Variants in ROBO2 observed in about 807,000 individuals in gnomAD.
ROBO2 encodes roundabout homolog 2.
ROBO2 carries 53 observed loss-of-function variants against 160.8 expected under a neutral mutation model. The ratio of observed to expected loss-of-function variants is 0.33; its 90% confidence interval spans 0.26 to 0.41. The LOEUF (loss-of-function observed/expected upper bound fraction) is 0.41, where lower values mean the gene tolerates loss of function less well. ROBO2 is among the 10% of genes least tolerant of loss of function. The pLI, the probability that ROBO2 is intolerant of heterozygous loss-of-function variation, is 1.00. For synonymous variants in ROBO2, 664 were observed against 611.7 expected, an observed-to-expected ratio of 1.09 and a Z score of -1.26; for missense variants, 1,577 against 1,722.4, an observed-to-expected ratio of 0.92 and a Z score of 1.49.
At chr3:75,918,305 G>A (rs1946893404) in intron 1 of ROBO2, among the ~76,000 whole-genome samples, 1 of 152,116 alleles carries the variant, frequency 6.6e-6, no homozygotes, top group South Asian at 2.1e-4. Flanking sequence ...TTTCCCCATT[G>A]CTTGCTTTTG....
At chr3:77,004,002 C>T (rs981543663) in intron 2 of ROBO2, among the ~76,000 whole-genome samples, 1 of 152,066 alleles carries the variant, frequency 6.6e-6, no homozygotes, top group African/African-American at 2.4e-5. Context: ...AAACTTAAAA[C>T]ATGTTTTTAT....
At chr3:76,548,431 C>T (rs911220629) in intron 2 of ROBO2, among the ~76,000 whole-genome samples, 1 of 151,928 alleles carries the variant, frequency 6.6e-6, no homozygotes, top group East Asian at 1.9e-4. Context: ...CCAATGGCAC[C>T]CTGTCTTTGA....
At chr3:76,517,240 G>T (rs555133050) in intron 2 of ROBO2, among the ~76,000 whole-genome samples, 1 of 152,240 alleles carries the variant, frequency 6.6e-6, no homozygotes, top group South Asian at 2.1e-4. Context: ...GAGTGCATCT[G>T]CCCATTGAAT....
chr3:76,938,895 C>T (rs2077945925), intron 2 of ROBO2, among the ~76,000 whole-genome samples: 1 of 147,582 alleles, frequency 6.8e-6, no homozygotes, highest in East Asian at 2.0e-4. Context: ...CGCTTAAACC[C>T]AAGAGGTGGA....
intron 2 of ROBO2, among the ~76,000 whole-genome samples, chr3:77,452,265 A>G (rs1263354249): frequency 6.6e-6 from 1 of 152,214 alleles, no homozygotes. Flanking sequence ...CAGAAGAGTG[A>G]GATGTTCACA....
At chr3:77,121,858 T>A (rs182601288) in intron 2 of ROBO2, among the ~76,000 whole-genome samples, 3 of 152,280 alleles carry the variant, frequency 2.0e-5, no homozygotes, top group African/African-American at 7.2e-5. Flanking sequence ...TTAATTATGT[T>A]CTGGAAATTT....
intron 2 of ROBO2, among the ~76,000 whole-genome samples, chr3:76,990,211 T>C (rs895698789): frequency 6.6e-6 from 1 of 152,200 alleles, no homozygotes; most frequent in Non-Finnish European, 1.5e-5. Flanking sequence ...TCTTTCAAAA[T>C]GACTGTTCTG....
chr3:76,934,211 A>AAAAC (rs2077536276), intron 2 of ROBO2, among the ~76,000 whole-genome samples: 1 of 40,764 alleles, frequency 2.5e-5, no homozygotes, highest in Non-Finnish European at 4.3e-5. Context: ...TCGAAAATAG[A>AAAAC]AAAAAAAAAA....
At chr3:76,133,617 C>T (rs1241202863) in intron 2 of ROBO2, among the ~76,000 whole-genome samples, 2 of 151,956 alleles carry the variant, frequency 1.3e-5, no homozygotes, top group South Asian at 2.1e-4. Flanking sequence ...AGTGTGTGGC[C>T]GAAGACCCGA....
chr3:76,128,411 A>T (rs925550840), intron 2 of ROBO2, among the ~76,000 whole-genome samples: 1 of 152,170 alleles, frequency 6.6e-6, no homozygotes, highest in African/African-American at 2.4e-5. Flanking sequence ...GGAGGAGCAC[A>T]TAATTCTTCC....
At chr3:77,038,760 C>T (rs2063788937), upstream of ROBO2, among the ~76,000 whole-genome samples, 1 of 152,214 alleles carries the variant, frequency 6.6e-6, no homozygotes, top group South Asian at 2.1e-4. Context: ...CGTGACCTTC[C>T]TTCATCATCC....
chr3:75,990,716 C>T (rs943720940), intron 2 of ROBO2, among the ~76,000 whole-genome samples: 76 of 152,130 alleles, frequency 5.0e-4, no homozygotes, highest in African/African-American at 1.8e-3. Context: ...ATAAAATATA[C>T]ATTCATGTTT....
intron 2 of ROBO2, among the ~76,000 whole-genome samples, chr3:76,051,427 A>T (rs1471607981): frequency 6.6e-6 from 1 of 152,174 alleles, no homozygotes; most frequent in East Asian, 1.9e-4. Context: ...TTACACATGG[A>T]CTATATTATA....
intron 2 of ROBO2, among the ~76,000 whole-genome samples, chr3:76,255,280 A>G (rs1706285402): frequency 1.3e-5 from 2 of 152,130 alleles, no homozygotes; most frequent in Middle Eastern, 3.2e-3. Context: ...TTGTTTTCTA[A>G]TATTTTAGGG....
rs181314560 is a variant in ROBO2, at chr3:75,919,914, G to C, written c.-14+12954G>C. Among the ~76,000 whole-genome samples, 238 of 152,062 alleles carry C rather than the reference G, an allele frequency of 1.6e-3. 1 individual carries two copies. Among genetic ancestry groups the C allele is most frequent in the African/African-American group, 5.5e-3 (229 of 41,492 alleles). On this transcript the variant is annotated intron_variant, in intron 1 of 26. Transcript: ENST00000487694. ...TTATCATTTTTTAATGTGTCTATTT[G>C]ATTTTTCTCTCTTTTCTTCCTTATT...
intron 2 of ROBO2, among the ~76,000 whole-genome samples, chr3:76,049,403 A>ATTTTTT (rs1167852972): frequency 7.3e-4 from 39 of 53,754 alleles, no homozygotes; most frequent in African/African-American, 2.0e-3. Context: ...ATATATATAT[A>ATTTTTT]TTTTTTTTTT....
intron 2 of ROBO2, among the ~76,000 whole-genome samples, chr3:76,786,081 A>G (rs2062954594): frequency 6.6e-6 from 1 of 151,232 alleles, no homozygotes; most frequent in Non-Finnish European, 1.5e-5. Context: ...CATATATCAT[A>G]TGGATATAAG....
At chr3:76,490,910 C>G (rs2079783004) in intron 2 of ROBO2, among the ~76,000 whole-genome samples, 1 of 151,128 alleles carries the variant, frequency 6.6e-6, no homozygotes, top group Non-Finnish European at 1.5e-5. Flanking sequence ...AAATAAAAGG[C>G]AAATAGAACA....
intron 2 of ROBO2, chr3:77,317,571 A>T: frequency 7.7e-7 from 1 of 1,301,634 alleles, no homozygotes; most frequent in Non-Finnish European, 1.1e-6. Context: ...TCCCTAGCAG[A>T]TTTGCCAAGA....
Sources: allele counts gnomAD v4.1 joint callset (sites outside exome capture counted in the v4.1 genomes callset), GRCh38; gene constraint gnomAD v4.1.1; transcripts MANE v1.5; gene names NCBI Gene and HGNC (gene_info 2026-07-23, HGNC 2026-07-21).